Variants in KCTD9 observed in about 807,000 individuals in gnomAD.
KCTD9 encodes the protein BTB/POZ domain-containing protein KCTD9.
A neutral mutation model predicts 53.3 loss-of-function variants in KCTD9; 17 were observed. That is an observed-to-expected ratio of 0.32 (90% CI 0.22 to 0.48). The LOEUF (loss-of-function observed/expected upper bound fraction) is 0.48. Ranked by LOEUF, KCTD9 falls within the 20% of genes least tolerant of loss-of-function variation. The pLI is 0.99. For synonymous variants in KCTD9, 128 were observed against 162.7 expected (o/e 0.79, Z 1.62); for missense variants, 179 against 465.5 (o/e 0.38, Z 5.66).
intron 9 of KCTD9, among the ~76,000 whole-genome samples, chr8:25,433,762 A>G (rs371540350): frequency 1.4e-4 from 21 of 152,308 alleles, no homozygotes; most frequent in African/African-American, 4.6e-4. Flanking sequence ...TATTTTTATA[A>G]ACATACCTAT....
Position 25,458,239 on chromosome 8 carries a change from C to A in KCTD9, c.8G>T (p.Arg3Leu). 1 of 1,610,434 alleles carries A rather than the reference C, an allele frequency of 6.2e-7. No homozygotes were observed. The highest frequency in any genetic ancestry group is 8.5e-7 in the Non-Finnish European group (1 of 1,179,500). MR[R>L]VTLFLNGSPK... The stretch of plus-strand genomic sequence containing the variant: ...GCTGCCGTTCAGGAACAGGGTCACC[C>A]GCCTCATCGCGCTGCCCCCGCTGGG... Residue 3 changes from arginine (R) to leucine (L), a missense_variant, in exon 1 of 12, where the codon CGG (arginine) becomes CTG (leucine). By Grantham distance (102) the Arg-to-Leu change is moderately radical (BLOSUM62 -2). This residue lies in a region of KCTD9 where 115 missense variants were observed against 250.9 expected (regional missense o/e 0.46). Coordinates refer to ENST00000221200, the MANE Select transcript of KCTD9 (RefSeq NM_017634.4).
chr8:25,447,454 C>T (rs1448719257), intron 1 of KCTD9, among the ~76,000 whole-genome samples: 1 of 152,156 alleles, frequency 6.6e-6, no homozygotes, highest in Non-Finnish European at 1.5e-5. Context: ...AGCTCATGGA[C>T]GTCCCAAGAT....
intron 1 of KCTD9, among the ~76,000 whole-genome samples, chr8:25,447,389 C>T (rs1037046976): frequency 4.6e-5 from 7 of 151,872 alleles, no homozygotes; most frequent in East Asian, 1.9e-4. Context: ...TCTGTCTCCC[C>T]GCTAAAAAAA....
intron 1 of KCTD9, among the ~76,000 whole-genome samples, chr8:25,454,568 C>T (rs1002961321): frequency 2.6e-5 from 4 of 152,062 alleles, no homozygotes; most frequent in African/African-American, 9.7e-5. Context: ...AAAAGAATAA[C>T]GAAAATGTTG....
At chr8:25,431,490 A>C (rs1801929771) in intron 11 of KCTD9, among the ~76,000 whole-genome samples, 1 of 152,158 alleles carries the variant, frequency 6.6e-6, no homozygotes, top group Non-Finnish European at 1.5e-5. Context: ...AGGGTGACTA[A>C]ACGTAACCTG....
Position 25,428,876 on chromosome 8 carries a change from A to G in KCTD9, c.*981T>C, listed in dbSNP as rs1801882312. 1 of 152,154 alleles carries G rather than the reference A, an allele frequency of 6.6e-6. No homozygotes were observed. Among genetic ancestry groups the G allele is most frequent in the African/African-American group, 2.4e-5 (1 of 41,448 alleles). The allele number at this position is 152,154 out of a possible 1,614,324, so 9.4% of individuals were successfully genotyped here. A position where few individuals can be genotyped will look rare whatever the true frequency, so the allele number is the denominator to read the frequency against. ...CAACTCTACCATATTCACTCATATA[A>G]GCTTTGATTGCAGTAGCTCTGGATT... On this transcript the variant is annotated 3_prime_UTR_variant, in exon 12 of 12. Transcript: ENST00000221200.
rs139846974 is a variant in KCTD9 at position 25,429,920 on chromosome 8, G to T, written c.1107C>A (p.Asn369Lys). 6.2e-7 allele frequency: 1 copy of T among 1,610,708 alleles called. No homozygotes were observed. Among genetic ancestry groups the T allele is most frequent in the Admixed American group, 1.7e-5 (1 of 59,980 alleles). ...TCTCTTCAAATATAGCTCCCTTCACGTTGGACCCTCTCAGGTTGGCTTCTT... is the reference window on the plus strand; with the variant it reads ...TCTCTTCAAATATAGCTCCCTTCACTTTGGACCCTCTCAGGTTGGCTTCTT... ...DLQEANLRGS[N>K]VKGAIFEEML... The change falls in exon 12 of 12, where the codon AAC (asparagine) becomes AAA (lysine). Residue 369 changes from asparagine to lysine, a missense_variant. Physicochemically the swap from Asn to Lys is moderately conservative, Grantham distance 94 (BLOSUM62 0). This residue lies in a region of KCTD9 where 30 missense variants were observed against 133.2 expected (regional missense o/e 0.23). Transcript: ENST00000221200.
rs748055680 is a variant in KCTD9 at position 25,446,239 on chromosome 8, T to C, written c.60A>G (p.Val20=). Reference sequence around the variant, plus strand: ...AAAGCAAATCAGATAAAGTTCCATATACAGCAACCACCTGTAAACACACCA... The same window carrying C: ...AAAGCAAATCAGATAAAGTTCCATACACAGCAACCACCTGTAAACACACCA... ...GSPKNGKVVA[V]YGTLSDLLSV... Residue 20 remains valine, a synonymous_variant, in exon 2 of 12, where the codon GTA becomes GTG. Coordinates refer to ENST00000221200, the MANE Select transcript of KCTD9 (RefSeq NM_017634.4). 12 of 1,613,850 alleles carry C rather than the reference T, an allele frequency of 7.4e-6. No individual in the cohort carries two copies. The highest frequency in any genetic ancestry group is 6.6e-5 in the South Asian group (6 of 91,078).
At chr8:25,448,698 T>C (rs1182101998) in intron 1 of KCTD9, among the ~76,000 whole-genome samples, 2 of 152,110 alleles carry the variant, frequency 1.3e-5, no homozygotes, top group African/African-American at 4.8e-5. Flanking sequence ...ATGGATTGCT[T>C]AAGCTCAGGA....
intron 11 of KCTD9, among the ~76,000 whole-genome samples, chr8:25,431,998 C>G (rs908110787): frequency 6.6e-6 from 1 of 152,178 alleles, no homozygotes; most frequent in Non-Finnish European, 1.5e-5. Flanking sequence ...AGATATAGAA[C>G]ATGTCCCTCC....
chr8:25,433,227 C>A (rs937933893), intron 10 of KCTD9, 103 bp downstream of exon 10: 3 of 560,856 alleles, frequency 5.3e-6, no homozygotes, highest in Non-Finnish European at 9.4e-6. Flanking sequence ...GAAACCTATC[C>A]CCTACAGCTA....
chr8:25,428,358 C>T lies in KCTD9; in HGVS notation c.*1499G>A. ...TCACTTGTAAAGGTCTGATCTCCTCCCACTATGCATATGTACCCTTTACTG... is the reference window on the plus strand; with the variant it reads ...TCACTTGTAAAGGTCTGATCTCCTCTCACTATGCATATGTACCCTTTACTG... On this transcript the variant is annotated 3_prime_UTR_variant, in exon 12 of 12. Coordinates refer to ENST00000221200, the MANE Select transcript of KCTD9 (RefSeq NM_017634.4). 1 of 152,454 alleles carries T rather than the reference C, an allele frequency of 6.6e-6. No individual in the cohort carries two copies. Among genetic ancestry groups the T allele is most frequent in the East Asian group, 1.9e-4 (1 of 5,194 alleles). 9.4% of individuals were successfully genotyped at this position (152,454 alleles called of 1,614,324 possible). A position where few individuals can be genotyped will look rare whatever the true frequency, so the allele number is the denominator to read the frequency against.
intron 3 of KCTD9, among the ~76,000 whole-genome samples, chr8:25,441,372 T>C (rs1200848045): frequency 6.6e-6 from 1 of 152,020 alleles, no homozygotes; most frequent in Non-Finnish European, 1.5e-5. Flanking sequence ...AAATGAGCAA[T>C]ACAAAAAGAC....
chr8:25,449,845 AC>A (rs1802285901), intron 1 of KCTD9, among the ~76,000 whole-genome samples: 1 of 151,822 alleles, frequency 6.6e-6, no homozygotes, highest in African/African-American at 2.4e-5. Context: ...AGAAAAAAAA[AC>A]ACAACTATTT....
At chr8:25,457,131 C>T (rs1210060973) in intron 1 of KCTD9, among the ~76,000 whole-genome samples, 1 of 152,140 alleles carries the variant, frequency 6.6e-6, no homozygotes, top group South Asian at 2.1e-4. Context: ...AGCCAACAAA[C>T]CACACTCTGG....
chr8:25,442,457 C>A (rs927963429), intron 3 of KCTD9, among the ~76,000 whole-genome samples: 1 of 152,132 alleles, frequency 6.6e-6, no homozygotes, highest in Non-Finnish European at 1.5e-5. Context: ...TAACACAGAA[C>A]AAGTTACACA....
intron 1 of KCTD9, 97 bp downstream of exon 1, chr8:25,458,102 C>G: frequency 1.6e-6 from 2 of 1,257,360 alleles, no homozygotes. Context: ...CCTCCCAGCC[C>G]CTCTACCCAA....
chr8:25,455,485 T>C (rs114711263), intron 1 of KCTD9, among the ~76,000 whole-genome samples: 484 of 152,324 alleles, frequency 3.2e-3, no homozygotes, highest in African/African-American at 0.011. Flanking sequence ...CAGCACTGTT[T>C]CAACTTCTCA....
At chr8:25,442,770 G>T (rs1244900892) in intron 3 of KCTD9, among the ~76,000 whole-genome samples, 1 of 152,168 alleles carries the variant, frequency 6.6e-6, no homozygotes, top group African/African-American at 2.4e-5. Flanking sequence ...TTTTAAGTAA[G>T]GGGAGAAGGG....
Sources: allele counts gnomAD v4.1 joint callset (sites outside exome capture counted in the v4.1 genomes callset), GRCh38; gene constraint gnomAD v4.1.1; regional missense constraint gnomAD v4.1.1; transcripts MANE v1.5; gene names NCBI Gene and HGNC (gene_info 2026-07-23, HGNC 2026-07-21).